Variants in SYTL5 observed in about 807,000 individuals in gnomAD.
SYTL5 encodes the protein synaptotagmin-like protein 5.
In SYTL5, 34 loss-of-function variants were observed where a neutral mutation model predicts 55.9. The observed-to-expected ratio is 0.61, with a 90% CI of 0.46 to 0.81. The LOEUF (loss-of-function observed/expected upper bound fraction) is 0.81, where lower values mean the gene tolerates loss of function less well. Among genes scored for constraint, SYTL5 ranks in the 30% least tolerant of loss-of-function variants. The pLI, the probability that SYTL5 is intolerant of heterozygous loss-of-function variation, is 0.00. For missense variants in SYTL5, 637 were observed against 546.7 expected (o/e 1.17, Z -1.65); for synonymous variants, 221 against 188.7 (o/e 1.17, Z -1.40).
chrX:37,906,851 A>C, the SYTL5 span, among the ~76,000 whole-genome samples: 1 of 112,032 alleles, frequency 8.9e-6, no homozygotes, highest in South Asian at 3.7e-4. Flanking sequence ...GTGAGGACCT[A>C]TTCTGTTTCT....
At chrX:37,950,253 G>A in the SYTL5 span, among the ~76,000 whole-genome samples, 7 of 110,866 alleles carry the variant, frequency 6.3e-5, no homozygotes, top group Admixed American at 6.7e-4. Context: ...ATATGCTTCT[G>A]GGACCCTTTC....
intron 10 of SYTL5, among the ~76,000 whole-genome samples, chrX:38,105,723 C>T (rs1222953754): frequency 8.9e-6 from 1 of 111,936 alleles, no homozygotes; most frequent in African/African-American, 3.2e-5. Context: ...TTTTTTGTTT[C>T]TGGAGTTTTC....
At chrX:37,970,354 C>CTTTT in the SYTL5 span, among the ~76,000 whole-genome samples, 4 of 96,328 alleles carry the variant, frequency 4.2e-5, no homozygotes, top group African/African-American at 1.5e-4. Flanking sequence ...TTTTTTTTAC[C>CTTTT]TTTTTTTTTT....
chrX:38,108,632 C>A lies in SYTL5; in HGVS notation c.1367C>A (p.Ser456Tyr). Residue 456 changes from serine (S) to tyrosine (Y), a missense_variant, in exon 12 of 17, where the codon TCC becomes TAC. By Grantham distance (144) the Ser-to-Tyr change is moderately radical. Coordinates refer to ENST00000297875, the MANE Select transcript of SYTL5 (RefSeq NM_138780.3). ...YVKSYLLPDKSRNNKRKTKIR... is the reference protein window; with the variant it reads ...YVKSYLLPDKYRNNKRKTKIR... The stretch of plus-strand genomic sequence containing the variant: ...AAGTCATATCTTCTTCCTGACAAGT[C>A]CCGGAACAACAAGCGTAAGACCAAA... 4.2e-6 allele frequency: 5 copies of A among 1,200,376 alleles called. No homozygotes were observed. Among genetic ancestry groups the A allele is most frequent in the Non-Finnish European group, 5.6e-6 (5 of 888,045 alleles).
chrX:37,990,886 A>T, the SYTL5 span: 1 of 1,210,820 alleles, frequency 8.3e-7, no homozygotes. Flanking sequence ...AATAACAACC[A>T]GACTCAAGAC....
chrX:38,108,535 G>A, intron 11 of SYTL5, 65 bp from the exon 12 acceptor site: 1 of 858,197 alleles, frequency 1.2e-6, no homozygotes, highest in Non-Finnish European at 1.7e-6. Flanking sequence ...TCACAGCGAA[G>A]TCTTTGAACA....
intron 1 of SYTL5, among the ~76,000 whole-genome samples, chrX:38,007,484 A>T (rs946615309): frequency 2.7e-5 from 3 of 111,680 alleles, no homozygotes; most frequent in Non-Finnish European, 5.7e-5. Flanking sequence ...GGAGAAAAGC[A>T]TATGCCTGGA....
At chrX:37,981,612 A>G in the SYTL5 span, among the ~76,000 whole-genome samples, 9 of 111,744 alleles carry the variant, frequency 8.1e-5, 1 homozygote, top group Admixed American at 8.5e-4. Context: ...GCAAATTTTA[A>G]ACATTGACCT....
intron 1 of SYTL5, among the ~76,000 whole-genome samples, chrX:38,013,735 T>C (rs748779663): frequency 1.8e-5 from 2 of 111,434 alleles, no homozygotes; most frequent in East Asian, 5.6e-4. Flanking sequence ...CAATCTATAC[T>C]GGTATCTGCG....
intron 2 of SYTL5, among the ~76,000 whole-genome samples, chrX:38,045,933 A>C (rs1247105097): frequency 8.9e-6 from 1 of 111,776 alleles, no homozygotes; most frequent in East Asian, 2.8e-4. Flanking sequence ...GGCGGAAGAA[A>C]CCCTCCATGT....
At chrX:37,908,872 G>A in the SYTL5 span, among the ~76,000 whole-genome samples, 1 of 111,127 alleles carries the variant, frequency 9.0e-6, no homozygotes, top group East Asian at 2.8e-4. Context: ...AACTTCACAG[G>A]GACATGGGAA....
chrX:37,959,738 G>T, the SYTL5 span, among the ~76,000 whole-genome samples: 2 of 111,596 alleles, frequency 1.8e-5, no homozygotes, highest in African/African-American at 6.5e-5. Flanking sequence ...TCCCTAATAT[G>T]TCCCTTTAAT....
intron 1 of SYTL5, among the ~76,000 whole-genome samples, chrX:38,024,610 G>C (rs898844979): frequency 1.3e-4 from 14 of 111,252 alleles, no homozygotes; most frequent in African/African-American, 4.6e-4. Context: ...AAACTATTCT[G>C]AATTACTTAC....
At chrX:37,922,197 C>T in the SYTL5 span, among the ~76,000 whole-genome samples, 35,227 of 110,714 alleles carry the variant, frequency 0.32, 6,241 homozygotes, top group African/African-American at 0.69. Context: ...TTGGTTTCTC[C>T]TTTGGAAGTT....
chrX:37,896,279 T>A, the SYTL5 span, among the ~76,000 whole-genome samples: 16 of 112,171 alleles, frequency 1.4e-4, no homozygotes, highest in South Asian at 3.7e-4. Context: ...GAGTCTTTTT[T>A]TCAATATGCA....
Position 38,126,620 on chromosome X carries a change from G to A in SYTL5, c.2083G>A (p.Asp695Asn), listed in dbSNP as rs1264517608. The change falls in exon 17 of 17, where the codon GAC (aspartate) becomes AAC (asparagine). Residue 695 changes from aspartate (D) to asparagine (N), a missense_variant. Transcript: ENST00000297875. ...VSHGKNVDWM[D>N]SQGEEQRLWQ... ...CCATGGGAAGAACGTGGATTGGATGGACTCTCAGGGGGAAGAGCAGCGCCT... is the reference window on the plus strand; with the variant it reads ...CCATGGGAAGAACGTGGATTGGATGAACTCTCAGGGGGAAGAGCAGCGCCT... The A allele has an allele frequency of 3.3e-6, 4 of 1,211,291 alleles. No homozygotes were observed. The highest frequency in any genetic ancestry group is 4.5e-6 in the Non-Finnish European group (4 of 895,271).
the SYTL5 span, among the ~76,000 whole-genome samples, chrX:37,958,802 C>G: frequency 8.0e-3 from 902 of 112,519 alleles, 11 homozygotes; most frequent in African/African-American, 0.028. Flanking sequence ...ACAGGATAGT[C>G]ATTCCTATTA....
At chrX:37,938,807 T>A in the SYTL5 span, among the ~76,000 whole-genome samples, 1,175 of 112,204 alleles carry the variant, frequency 0.01, 10 homozygotes, top group African/African-American at 0.036. Flanking sequence ...AGGTTAGATA[T>A]GATTACTTAC....
the SYTL5 span, among the ~76,000 whole-genome samples, chrX:37,915,630 C>A: frequency 8.9e-6 from 1 of 111,996 alleles, no homozygotes; most frequent in African/African-American, 3.2e-5. Flanking sequence ...TGAAAAATAT[C>A]TGTTTCTTTA....
Sources: allele counts gnomAD v4.1 joint callset (sites outside exome capture counted in the v4.1 genomes callset), GRCh38; gene constraint gnomAD v4.1.1; transcripts MANE v1.5; gene names NCBI Gene and HGNC (gene_info 2026-07-23, HGNC 2026-07-21).